NUP98: variants seen among roughly 807,000 people sequenced by gnomAD.
The protein encoded by NUP98 is nuclear pore complex protein Nup98-Nup96.
Under a neutral mutation model 191.9 loss-of-function variants are expected in NUP98, and 26 were observed. The observed-to-expected ratio is 0.14, with a 90% CI of 0.10 to 0.19. NUP98 has a LOEUF of 0.19. Ranked by LOEUF, NUP98 falls within the 10% of genes least tolerant of loss-of-function variation. The pLI is 1.00. For synonymous variants in NUP98, 808 were observed against 778.4 expected (o/e 1.04, Z -0.63); for missense variants, 1,941 against 2,178.8 (o/e 0.89, Z 2.17).
intron 28 of NUP98, 84 bp from the exon 29 acceptor site, chr11:3,686,278 A>C: frequency 8.4e-7 from 1 of 1,192,664 alleles, no homozygotes; most frequent in Non-Finnish European, 1.2e-6. Flanking sequence ...TATGTCTAAG[A>C]CAATAAAAGA....
chr11:3,759,612 T>C (rs1186088415), intron 10 of NUP98, among the ~76,000 whole-genome samples: 1 of 151,932 alleles, frequency 6.6e-6, no homozygotes, highest in Admixed American at 6.6e-5. Flanking sequence ...AATAAATAAA[T>C]AAATAAATAA....
intron 1 of NUP98, among the ~76,000 whole-genome samples, chr11:3,791,479 A>G (rs2082345544): frequency 7.4e-6 from 1 of 135,712 alleles, no homozygotes; most frequent in South Asian, 2.5e-4. Context: ...GGTTGCAGTG[A>G]GTTGAGATCC....
At chr11:3,693,970 C>A (rs12277623) in intron 26 of NUP98, among the ~76,000 whole-genome samples, 14,074 of 152,138 alleles carry the variant, frequency 0.093, 841 homozygotes, top group Non-Finnish European at 0.14. Flanking sequence ...GTGGCTCACA[C>A]CTGTAATCCC....
intron 25 of NUP98, chr11:3,697,118 G>C (rs1480472967): frequency 6.6e-6 from 1 of 151,882 alleles, no homozygotes; most frequent in Admixed American, 6.6e-5. Context: ...ACCATAAATA[G>C]TACCAGACGG....
chr11:3,679,426 A>C, intron 31 of NUP98, 128 bp downstream of exon 31: 2 of 1,083,974 alleles, frequency 1.8e-6, no homozygotes, highest in Non-Finnish European at 2.8e-6. Context: ...CCTCAGCAAG[A>C]TGCCTGCTTT....
chr11:3,724,790 A>AAATGTCTATAGG (rs1198256945), intron 15 of NUP98, among the ~76,000 whole-genome samples: 1 of 150,412 alleles, frequency 6.6e-6, no homozygotes. Flanking sequence ...CAAAAAAAAA[A>AAATGTCTATAGG]AAGAAAGAAA....
intron 13 of NUP98, among the ~76,000 whole-genome samples, chr11:3,734,308 C>CA (rs1429363790): frequency 6.6e-6 from 1 of 152,194 alleles, no homozygotes; most frequent in Non-Finnish European, 1.5e-5. Flanking sequence ...GCTAGGATTA[C>CA]AGGCCTGAGC....
At chr11:3,791,904 G>T (rs907976263) in intron 1 of NUP98, among the ~76,000 whole-genome samples, 5 of 151,612 alleles carry the variant, frequency 3.3e-5, no homozygotes, top group African/African-American at 9.7e-5. Context: ...ATTCGGCTGG[G>T]CGCAGCGGCT....
In NUP98 at chr11:3,779,042, C is replaced by T; in HGVS notation, c.186G>A (p.Leu62=). 5 of 1,614,172 alleles carry T rather than the reference C, an allele frequency of 3.1e-6. No homozygotes were observed. The highest frequency in any genetic ancestry group is 4.2e-6 in the Non-Finnish European group (5 of 1,180,030). Residue 62 remains leucine (L), a synonymous_variant, in exon 4 of 33, where the codon TTG becomes TTA. Coordinates refer to ENST00000324932, the MANE Select transcript of NUP98 (RefSeq NM_016320.5). Reference sequence around the variant, plus strand: ...GCTGGCTAAATGAACTGGTTCCAAACAATCCTCCTGAGGAGATGGAGAAGG... The same window carrying T: ...GCTGGCTAAATGAACTGGTTCCAAATAATCCTCCTGAGGAGATGGAGAAGG... ...FGNSQTKPGG[L]FGTSSFSQPA...
At chr11:3,703,137 CTATTAA>C (rs1293867053) in intron 22 of NUP98, among the ~76,000 whole-genome samples, 3 of 151,746 alleles carry the variant, frequency 2.0e-5, no homozygotes, top group African/African-American at 4.8e-5. Flanking sequence ...AGCAACAACA[CTATTAA>C]TATTATTTAA....
Position 3,706,433 on chromosome 11 carries a change from T to C in NUP98, c.2925+12A>G, listed in dbSNP as rs1232275641. ...GGCTTTCTGTTACAAAAAAGGTGGG[T>C]TAGAACTTCACCTGTAAGACATGTG... is the stretch of plus-strand genomic sequence containing the variant. On this transcript the variant is annotated intron_variant, in intron 21 of 32. Coordinates refer to ENST00000324932, the MANE Select transcript of NUP98 (RefSeq NM_016320.5). The C allele has an allele frequency of 6.2e-7, 1 of 1,613,516 alleles. No individual in the cohort carries two copies. The highest frequency in any genetic ancestry group is 8.5e-7 in the Non-Finnish European group (1 of 1,179,510).
In NUP98 at chr11:3,796,755, C is replaced by G. The variant is rs531289817; in HGVS notation, c.-29+645G>C. 2.6e-5 allele frequency among the ~76,000 whole-genome samples: 4 copies of G among 152,326 alleles called. No homozygotes were observed. The East Asian group carries it at 7.7e-4, about 29-fold the overall frequency. On this transcript the variant is annotated intron_variant, in intron 1 of 32. Transcript: ENST00000324932. ...TTACTCCGGGCCTCGGTTTCCCCAT[C>G]TACAAAACTGATGTAAGGTAGGGGG...
Position 3,706,635 on chromosome 11 carries a change from C to A in NUP98, c.2743-8G>T. 1 of 1,611,648 alleles carries A rather than the reference C, an allele frequency of 6.2e-7. No homozygotes were observed. The highest frequency in any genetic ancestry group is 2.2e-5 in the East Asian group (1 of 44,858). On this transcript the variant is annotated splice_region_variant and splice_polypyrimidine_tract_variant and intron_variant, in intron 20 of 32. Transcript: ENST00000324932. ...CACCTCTGGGCTCTGGCTCTGTAGA[C>A]AGCAGAAAGATCAGGAAAGCAGCAT...
At chr11:3,751,587 A>G (rs144885037) in intron 11 of NUP98, among the ~76,000 whole-genome samples, 1 of 152,274 alleles carries the variant, frequency 6.6e-6, no homozygotes, top group African/African-American at 2.4e-5. Context: ...AGCAGAGAGC[A>G]CTGACTCATG....
chr11:3,686,872 G>A (rs35081882), intron 28 of NUP98, among the ~76,000 whole-genome samples: 13,656 of 151,918 alleles, frequency 0.09, 686 homozygotes, highest in South Asian at 0.16. Flanking sequence ...CTGTATTCCC[G>A]GCTACTCAGG....
rs61471948 is a variant in NUP98, at chr11:3,792,178, CAAAAAAAAAAAAA to C, written c.-29+5209_-29+5221del. 3.9e-4 allele frequency among the ~76,000 whole-genome samples: 23 copies of C among 58,854 alleles called. No homozygotes were observed. In the South Asian group the frequency reaches 9.3e-3, roughly 24 times the overall value. The allele number at this position is 58,854 out of a possible 152,430, so 38.6% of individuals were successfully genotyped here. On this transcript the variant is annotated intron_variant, in intron 1 of 32. Transcript: ENST00000324932. ...CAGGTGACAGAGTGAAACTCCATCTCAAAAAAAAAAAAAAAAAAAAAAAAAAAAAAACATGTAT... is the reference window on the plus strand; with the variant it reads ...CAGGTGACAGAGTGAAACTCCATCTCAAAAAAAAAAAAAAAAAACATGTAT...
intron 29 of NUP98, among the ~76,000 whole-genome samples, chr11:3,684,112 TGAGGCAG>T (rs1466918160): frequency 6.6e-6 from 1 of 151,972 alleles, no homozygotes; most frequent in Non-Finnish European, 1.5e-5. Flanking sequence ...CTCAAGAAGC[TGAGGCAG>T]GAGAATTGCT....
In NUP98 at chr11:3,713,909, A is replaced by C; in HGVS notation, c.2486T>G (p.Ile829Ser). 6.2e-7 allele frequency: 1 copy of C among 1,614,146 alleles called. No homozygotes were observed. The highest frequency in any genetic ancestry group is 8.5e-7 in the Non-Finnish European group (1 of 1,180,012). The change falls in exon 19 of 33, where the codon ATC becomes AGC. Residue 829 changes from isoleucine to serine, a missense_variant. By Grantham distance (142) the Ile-to-Ser change is moderately radical. Coordinates refer to ENST00000324932, the MANE Select transcript of NUP98 (RefSeq NM_016320.5). ...LIKSPDRLAD[I>S]NYEGRLEAVS... ...TGCTTCCAATCTTCCTTCATAGTTG[A>C]TATCAGCAAGGCGATCTGGGCTCTT...
At chr11:3,765,539 C>A (rs2081308359) in intron 8 of NUP98, among the ~76,000 whole-genome samples, 1 of 152,172 alleles carries the variant, frequency 6.6e-6, no homozygotes, top group Non-Finnish European at 1.5e-5. Flanking sequence ...GTGGCTCACA[C>A]CTGTAATCCC....
Sources: gnomAD v4.1 joint callset for allele counts (sites outside exome capture counted in the v4.1 genomes callset) on GRCh38, gnomAD v4.1.1 for gene constraint, MANE v1.5 for transcripts, NCBI Gene and HGNC (gene_info 2026-07-23, HGNC 2026-07-21) for gene names.